SERHL2: variants seen among roughly 807,000 people sequenced by gnomAD.
The protein encoded by SERHL2 is serine hydrolase-like protein 2.
SERHL2 carries 29 observed loss-of-function variants against 25.5 expected under a neutral mutation model. The ratio of observed to expected loss-of-function variants is 1.14; its 90% confidence interval spans 0.85 to 1.55. The LOEUF (loss-of-function observed/expected upper bound fraction) is 1.55. Ranked by LOEUF, SERHL2 falls within the 40% of genes most tolerant of loss-of-function variation. The probability of loss-of-function intolerance (pLI) is 0.00; values close to 1 mark genes in which losing one functional copy is unlikely to be tolerated. For synonymous variants in SERHL2, 95 were observed against 103.5 expected, an observed-to-expected ratio of 0.92 and a Z score of 0.50; for missense variants, 240 against 252.3, an observed-to-expected ratio of 0.95 and a Z score of 0.33.
chr22:42,566,431 G>T (rs1191185640), intron 9 of SERHL2, 93 bp downstream of exon 9: 2 of 1,257,746 alleles, frequency 1.6e-6, no homozygotes. Flanking sequence ...GGTGGCTCAC[G>T]CCTGTAATCC....
chr22:42,566,390 T>G lies in SERHL2; in HGVS notation c.648+52T>G, dbSNP rs761503529. On this transcript the variant is annotated intron_variant, in intron 9 of 11. Coordinates refer to ENST00000327678, the MANE Select transcript of SERHL2 (RefSeq NM_014509.5). Reference sequence around the variant, plus strand: ...CGCCAAGGTTTGCCTGTTAGCGTCTTTGTCGTTTTTGAAAATTACAGGCCA... The same window carrying G: ...CGCCAAGGTTTGCCTGTTAGCGTCTGTGTCGTTTTTGAAAATTACAGGCCA... 2.3e-5 allele frequency: 36 copies of G among 1,589,818 alleles called. 3 individuals carry two copies. The highest frequency in any genetic ancestry group is 4.0e-4 in the Middle Eastern group (2 of 5,006).
intron 8 of SERHL2, chr22:42,563,437 C>G (rs1261288620): frequency 1.4e-5 from 6 of 442,860 alleles, no homozygotes; most frequent in Admixed American, 2.5e-5. Flanking sequence ...CTCCTGAACT[C>G]AAGCGATCCT....
chr22:42,567,930 A>G (rs1344213713), intron 9 of SERHL2, among the ~76,000 whole-genome samples: 2 of 151,376 alleles, frequency 1.3e-5, no homozygotes, highest in African/African-American at 4.8e-5. Context: ...GGGTTTCACC[A>G]TGTTGTCCAG....
chr22:42,554,092 T>C, intron 1 of SERHL2, 50 bp downstream of exon 1: 1 of 1,604,848 alleles, frequency 6.2e-7, no homozygotes, highest in Non-Finnish European at 8.5e-7. Flanking sequence ...CCCACCTGGT[T>C]GGGACAGTAG....
chr22:42,554,786 C>T, intron 1 of SERHL2, 152 bp from the exon 2 acceptor site: 2 of 605,618 alleles, frequency 3.3e-6, no homozygotes, highest in Non-Finnish European at 6.0e-6. Context: ...GTCTGACTCT[C>T]TCCCCATAAC....
At chr22:42,573,310 C>G (rs1159413402) in intron 11 of SERHL2, 1 of 148,188 alleles carries the variant, frequency 6.7e-6, no homozygotes, top group African/African-American at 2.5e-5. Flanking sequence ...GTGGCCCGAT[C>G]TCGGCTCACT....
In SERHL2 at chr22:42,564,471, G is replaced by A. The variant is rs117480086; in HGVS notation, c.614-1833G>A. 4.3e-3 allele frequency among the ~76,000 whole-genome samples: 644 copies of A among 150,532 alleles called. 11 individuals carry two copies. The highest frequency in any genetic ancestry group is 0.015 in the South Asian group (71 of 4,754). On this transcript the variant is annotated intron_variant, in intron 8 of 11. Transcript: ENST00000327678. Reference sequence around the variant, plus strand: ...TTTGAGACGGGGTCTTGCTTTTGTCGTCCAAGCTGGAGTATAATGGCACAA... The same window carrying A: ...TTTGAGACGGGGTCTTGCTTTTGTCATCCAAGCTGGAGTATAATGGCACAA...
intron 1 of SERHL2, among the ~76,000 whole-genome samples, chr22:42,554,716 C>T (rs1922013625): frequency 6.7e-6 from 1 of 149,698 alleles, no homozygotes; most frequent in Non-Finnish European, 1.5e-5. Context: ...GCTCTGAGGC[C>T]TGTCACAGCT....
At chr22:42,570,769 G>T (rs1924059296) in intron 9 of SERHL2, among the ~76,000 whole-genome samples, 1 of 152,138 alleles carries the variant, frequency 6.6e-6, no homozygotes, top group Admixed American at 6.5e-5. Context: ...AAGGGGTGTG[G>T]AAGGGCCACA....
chr22:42,570,664 T>A (rs1333650061), intron 9 of SERHL2, among the ~76,000 whole-genome samples: 1 of 152,138 alleles, frequency 6.6e-6, no homozygotes, highest in Non-Finnish European at 1.5e-5. Context: ...GGAGTGCCCA[T>A]CCTGCACTGT....
Position 42,574,369 on chromosome 22 carries a change from T to C in SERHL2, c.*314T>C, listed in dbSNP as rs1601868891. ...GCCCAACTGGATGGAAAATAAAAGG[T>C]TCTTGTATTCTCACTGCTTTTGAGG... On this transcript the variant is annotated 3_prime_UTR_variant, in exon 12 of 12. Transcript: ENST00000327678. The C allele has an allele frequency of 1.8e-5, 9 of 500,066 alleles. No homozygotes were observed. In the East Asian group the frequency reaches 2.9e-4, roughly 16 times the overall value. The allele number at this position is 500,066 out of a possible 1,614,324, so 31.0% of individuals were successfully genotyped here. A position where few individuals can be genotyped will look rare whatever the true frequency, so the allele number is the denominator to read the frequency against.
intron 8 of SERHL2, among the ~76,000 whole-genome samples, chr22:42,561,128 T>A (rs1019652756): frequency 6.6e-6 from 1 of 151,890 alleles, no homozygotes; most frequent in South Asian, 2.1e-4. Flanking sequence ...CATGAGTGGT[T>A]AGACATTCTC....
chr22:42,562,022 G>C (rs566016715), intron 8 of SERHL2, among the ~76,000 whole-genome samples: 14 of 151,898 alleles, frequency 9.2e-5, no homozygotes, highest in African/African-American at 2.9e-4. Flanking sequence ...TGGGTGTCAG[G>C]GGGGTGAGGG....
At chr22:42,570,820 C>A (rs1001105447) in intron 9 of SERHL2, among the ~76,000 whole-genome samples, 1 of 152,082 alleles carries the variant, frequency 6.6e-6, no homozygotes, top group Non-Finnish European at 1.5e-5. Flanking sequence ...GCCCAACTCA[C>A]TTCTCTGCCT....
At chr22:42,560,631 A>G (rs1224319581) in intron 8 of SERHL2, among the ~76,000 whole-genome samples, 3 of 151,924 alleles carry the variant, frequency 2.0e-5, no homozygotes, top group East Asian at 3.9e-4. Context: ...GACTTGGGAG[A>G]GGCTTTTCAC....
chr22:42,554,512 C>T (rs1921993934), intron 1 of SERHL2, among the ~76,000 whole-genome samples: 1 of 152,170 alleles, frequency 6.6e-6, no homozygotes, highest in South Asian at 2.1e-4. Context: ...GTTTGGCACC[C>T]CTCTGGCCTT....
intron 8 of SERHL2, chr22:42,563,631 G>C (rs1766167642): frequency 5.8e-6 from 1 of 173,486 alleles, no homozygotes; most frequent in African/African-American, 2.4e-5. Flanking sequence ...AACTTGTGCA[G>C]TTTAATCAAA....
intron 7 of SERHL2, 79 bp from the exon 8 acceptor site, chr22:42,560,107 C>A (rs1922494859): frequency 1.9e-6 from 2 of 1,061,324 alleles, no homozygotes; most frequent in East Asian, 2.4e-5. Flanking sequence ...CCACCGTCCC[C>A]CCCGGCCCTC....
rs200238208 is a variant in SERHL2 at position 42,566,324 on chromosome 22, C to A, written c.634C>A (p.Gln212Lys). 4 of 1,612,068 alleles carry A rather than the reference C, an allele frequency of 2.5e-6. No individual in the cohort carries two copies. Among genetic ancestry groups the A allele is most frequent in the Non-Finnish European group, 3.4e-6 (4 of 1,179,256 alleles). Reference sequence around the variant, plus strand: ...TCCAGGTCTGGTTCTGAACAGAGACCAGAGGCTCGCCTGGGTGAGTACCAC... The same window carrying A: ...TCCAGGTCTGGTTCTGAACAGAGACAAGAGGCTCGCCTGGGTGAGTACCAC... ...VATGLVLNRDQRLAWAENSID... is the reference protein window; with the variant it reads ...VATGLVLNRDKRLAWAENSID... The change falls in exon 9 of 12, where the codon CAG (glutamine) becomes AAG (lysine). Residue 212 changes from glutamine (Q) to lysine (K), a missense_variant. Gln to Lys is a moderately conservative substitution (Grantham distance 53). Around this residue, in one of 4 missense-constraint regions of SERHL2, gnomAD observed 212 missense variants for 168.9 expected, o/e 1.25. Coordinates refer to ENST00000327678, the MANE Select transcript of SERHL2 (RefSeq NM_014509.5).
Sources: allele counts gnomAD v4.1 joint callset (sites outside exome capture counted in the v4.1 genomes callset), GRCh38; gene constraint gnomAD v4.1.1; regional missense constraint gnomAD v4.1.1; transcripts MANE v1.5; gene names NCBI Gene and HGNC (gene_info 2026-07-23, HGNC 2026-07-21).